GSE1: variants seen among roughly 807,000 people sequenced by gnomAD.
The protein encoded by GSE1 is genetic suppressor element 1.
Under a neutral mutation model 112.6 loss-of-function variants are expected in GSE1, and 32 were observed. The ratio of observed to expected loss-of-function variants is 0.28; its 90% CI spans 0.21 to 0.38. The LOEUF (loss-of-function observed/expected upper bound fraction) is 0.38. Ranked by LOEUF, GSE1 falls within the 10% of genes least tolerant of loss-of-function variation. GSE1 has a pLI of 1.00. For synonymous variants in GSE1, 1,115 were observed against 735.6 expected, an observed-to-expected ratio of 1.52 and a Z score of -8.35; for missense variants, 2,348 against 1,699.2, an observed-to-expected ratio of 1.38 and a Z score of -6.71.
chr16:85,335,174 C>T (rs536293767), intron 1 of GSE1, among the ~76,000 whole-genome samples: 2 of 152,358 alleles, frequency 1.3e-5, no homozygotes, highest in East Asian at 1.9e-4. Context: ...CAGGGAACCT[C>T]GGAGGGTGGA....
chr16:85,171,766 G>A (rs2074361949), exon 1 of GSE1: 6 of 985,624 alleles, frequency 6.1e-6, no homozygotes, highest in Non-Finnish European at 7.2e-6. Context: ...CACCCGCCAA[G>A]GACCCATGAG....
At position 85,250,875 on chromosome 16, in the gene GSE1, G is replaced by A. The variant is rs114245522; in HGVS notation, c.2283+79068G>A. Among the ~76,000 whole-genome samples, 1,212 of 149,060 alleles carry A rather than the reference G, an allele frequency of 8.1e-3. 15 individuals carry two copies. The highest frequency in any genetic ancestry group is 0.029 in the African/African-American group (1,164 of 39,894). ...CCACCCATCTACTTCTTGTCTCCAG[G>A]CATTGGCCTGTTCTGGACATTTCAT... On this transcript the variant is annotated intron_variant, in intron 1 of 2. Transcript: ENST00000637419.
intron 1 of GSE1, among the ~76,000 whole-genome samples, chr16:85,279,415 T>A (rs1277481164): frequency 6.6e-6 from 1 of 152,176 alleles, no homozygotes; most frequent in Non-Finnish European, 1.5e-5. Context: ...GAGACCAGTC[T>A]GGGCATTATA....
chr16:85,322,327 G>C (rs1014183699), intron 1 of GSE1, among the ~76,000 whole-genome samples: 1 of 152,200 alleles, frequency 6.6e-6, no homozygotes, highest in Non-Finnish European at 1.5e-5. Context: ...AGTGGGGGAA[G>C]GGGAGCAGCC....
Position 85,634,785 on chromosome 16 carries a change from C to T in GSE1, c.226+653C>T, listed in dbSNP as rs796066857. Among the ~76,000 whole-genome samples the T allele has an allele frequency of 9.8e-5, 15 of 152,300 alleles. 1 individual carries two copies. The South Asian group carries it at 1.7e-3, about 17-fold the overall frequency. On this transcript the variant is annotated intron_variant, in intron 2 of 15. Coordinates refer to ENST00000253458, the MANE Select transcript of GSE1 (RefSeq NM_014615.5). ...TGTCTGTGCAGTGAGGCTCTAAAGA[C>T]GCCCCCTTTGGCTCTGGCTCTGGGG...
At chr16:85,225,718 G>A (rs1362312754) in intron 1 of GSE1, among the ~76,000 whole-genome samples, 1 of 152,206 alleles carries the variant, frequency 6.6e-6, no homozygotes, top group Admixed American at 6.5e-5. Context: ...TGGAATTATT[G>A]TCTTCAGAGC....
chr16:85,217,367 G>A (rs918142112), intron 1 of GSE1, among the ~76,000 whole-genome samples: 4 of 152,322 alleles, frequency 2.6e-5, no homozygotes, highest in African/African-American at 9.6e-5. Context: ...GGTCAGGTGG[G>A]CCAGAAGAAG....
chr16:85,352,110 C>G (rs1399790483), intron 1 of GSE1, among the ~76,000 whole-genome samples: 1 of 152,170 alleles, frequency 6.6e-6, no homozygotes, highest in Non-Finnish European at 1.5e-5. Context: ...TGCACATACA[C>G]ACATACAGTC....
At chr16:85,393,819 T>C (rs1257097645) in intron 2 of GSE1, among the ~76,000 whole-genome samples, 1 of 152,190 alleles carries the variant, frequency 6.6e-6, no homozygotes, top group African/African-American at 2.4e-5. Context: ...GTGGCTGGGC[T>C]GGGCTGAGGG....
At chr16:85,402,460 G>A (rs748027344) in intron 2 of GSE1, among the ~76,000 whole-genome samples, 18 of 152,198 alleles carry the variant, frequency 1.2e-4, no homozygotes, top group Admixed American at 3.3e-4. Flanking sequence ...TCTGAGGGCC[G>A]GGGCCATGCT....
rs1567739933 is a variant in GSE1, at chr16:85,404,169, CGGATAATCCT to C, written c.2464+46527_2464+46536del. On this transcript the variant is annotated intron_variant, in intron 2 of 2. Transcript: ENST00000637419. ...CCACACCGTTACACTCAGGGCCCCC[CGGATAATCCT>C]CACCGTTACACTCAGGGCCCCCCTG... Among the ~76,000 whole-genome samples, 73 of 96,850 alleles carry C rather than the reference CGGATAATCCT, an allele frequency of 7.5e-4. 1 individual carries two copies. The East Asian group carries it at 0.018, about 24-fold the overall frequency. The allele number at this position is 96,850 out of a possible 152,430, so 63.5% of individuals were successfully genotyped here.
At chr16:85,273,218 G>T (rs1455876359) in intron 1 of GSE1, among the ~76,000 whole-genome samples, 1 of 152,256 alleles carries the variant, frequency 6.6e-6, no homozygotes, top group Non-Finnish European at 1.5e-5. Flanking sequence ...AGGGTTGGGG[G>T]TGGGGGAAGA....
intron 2 of GSE1, among the ~76,000 whole-genome samples, chr16:85,471,974 C>A (rs1421544260): frequency 1.3e-5 from 2 of 152,222 alleles, no homozygotes; most frequent in Non-Finnish European, 2.9e-5. Flanking sequence ...CACCGTAAGA[C>A]CGTTGAGGTT....
At chr16:85,593,908 T>TG (rs140752137) in intron 1 of GSE1, 5 of 151,978 alleles carry the variant, frequency 3.3e-5, no homozygotes, top group Admixed American at 6.6e-5. Context: ...TTCTCTCTTC[T>TG]GGGGGGGCCG....
chr16:85,270,607 T>G (rs1908732988), intron 1 of GSE1, among the ~76,000 whole-genome samples: 1 of 148,956 alleles, frequency 6.7e-6, no homozygotes, highest in African/African-American at 2.4e-5. Context: ...TTGTATTTGT[T>G]GGATTGATGT....
upstream of GSE1, among the ~76,000 whole-genome samples, chr16:85,612,959 G>C (rs1423597884): frequency 1.3e-5 from 2 of 152,232 alleles, no homozygotes; most frequent in Non-Finnish European, 2.9e-5. Context: ...AGGTCCCCGG[G>C]ACCCCCGAGC....
At chr16:85,632,979 C>T (rs1301774408) in intron 1 of GSE1, among the ~76,000 whole-genome samples, 2 of 151,932 alleles carry the variant, frequency 1.3e-5, no homozygotes, top group South Asian at 2.1e-4. Context: ...GTTCTGATGT[C>T]ACCAGGTGGC....
intron 2 of GSE1, among the ~76,000 whole-genome samples, chr16:85,383,858 G>A (rs2047624221): frequency 6.6e-6 from 1 of 152,338 alleles, no homozygotes; most frequent in East Asian, 1.9e-4. Context: ...AGAGCTTGGG[G>A]TCAGAGTGGA....
At chr16:85,219,181 T>G (rs1041546913) in intron 1 of GSE1, among the ~76,000 whole-genome samples, 2 of 151,192 alleles carry the variant, frequency 1.3e-5, no homozygotes, top group African/African-American at 4.9e-5. Flanking sequence ...CCCGGCCTAA[T>G]TTTTGTATTT....
Sources: allele counts gnomAD v4.1 joint callset (sites outside exome capture counted in the v4.1 genomes callset), GRCh38; gene constraint gnomAD v4.1.1; transcripts MANE v1.5; gene names NCBI Gene and HGNC (gene_info 2026-07-23, HGNC 2026-07-21).